SPMIP4: variants seen among roughly 807,000 people sequenced by gnomAD.
SPMIP4 encodes the protein sperm-associated microtubule inner protein 4.
the SPMIP4 span, among the ~76,000 whole-genome samples, chr7:25,129,616 G>C: frequency 6.6e-6 from 1 of 152,012 alleles, no homozygotes; most frequent in Non-Finnish European, 1.5e-5. Context: ...CATGATTTTT[G>C]GTTCTTATGA....
chr7:25,179,446 C>G, the SPMIP4 span: 1 of 830,296 alleles, frequency 1.2e-6, no homozygotes, highest in Non-Finnish European at 1.8e-6. Flanking sequence ...AGGCTTCCCT[C>G]TGCACTGAAA....
chr7:25,136,274 G>C, the SPMIP4 span: 1 of 1,614,042 alleles, frequency 6.2e-7, no homozygotes, highest in Non-Finnish European at 8.5e-7. This position sits in a 1 kb window ranked among gnomAD's most constrained non-coding sequence, Gnocchi z 5.7. Context: ...TGTTTATTTT[G>C]TAAAACACTA....
chr7:25,175,861 G>A, the SPMIP4 span, among the ~76,000 whole-genome samples: 9 of 152,262 alleles, frequency 5.9e-5, no homozygotes, highest in South Asian at 6.2e-4. Flanking sequence ...GTCCAGAGCC[G>A]TTCCATCACT....
chr7:25,132,077 A>C, the SPMIP4 span, among the ~76,000 whole-genome samples: 2 of 152,202 alleles, frequency 1.3e-5, no homozygotes, highest in Non-Finnish European at 2.9e-5. This position sits in a 1 kb window ranked among gnomAD's most constrained non-coding sequence, Gnocchi z 5.0. Context: ...GATCTCCCAT[A>C]CACAGGGAGG....
chr7:25,130,750 G>A, the SPMIP4 span, among the ~76,000 whole-genome samples: 1 of 152,224 alleles, frequency 6.6e-6, no homozygotes, highest in Non-Finnish European at 1.5e-5. Context: ...GAAGGAAGGA[G>A]CTATTATTGT....
the SPMIP4 span, among the ~76,000 whole-genome samples, chr7:25,174,764 G>A: frequency 6.6e-6 from 1 of 152,126 alleles, no homozygotes; most frequent in South Asian, 2.1e-4. This position sits in a 1 kb window ranked among gnomAD's most constrained non-coding sequence, Gnocchi z 4.5. Flanking sequence ...AGAAGTTAAG[G>A]AGAAGTCAGC....
At chr7:25,136,341 T>C in the SPMIP4 span, 10 of 1,614,086 alleles carry the variant, frequency 6.2e-6, no homozygotes, top group East Asian at 2.2e-5. This position sits in a 1 kb window ranked among gnomAD's most constrained non-coding sequence, Gnocchi z 5.7. Context: ...GTAGGGGAGA[T>C]TTAAGATTTT....
At chr7:25,167,145 CA>C in the SPMIP4 span, among the ~76,000 whole-genome samples, 4 of 152,200 alleles carry the variant, frequency 2.6e-5, no homozygotes, top group Non-Finnish European at 5.9e-5. Flanking sequence ...AAATTCCATA[CA>C]GAGCTATCTC....
At chr7:25,140,965 T>TTA in the SPMIP4 span, among the ~76,000 whole-genome samples, 79 of 152,350 alleles carry the variant, frequency 5.2e-4, no homozygotes, top group African/African-American at 1.9e-3. Context: ...TTATATACCT[T>TTA]TAAAATGTTA....
the SPMIP4 span, among the ~76,000 whole-genome samples, chr7:25,163,775 A>G: frequency 6.6e-6 from 1 of 152,192 alleles, no homozygotes; most frequent in Admixed American, 6.5e-5. The surrounding 1 kb of genome is among the most constrained non-coding windows in gnomAD (Gnocchi z 4.4). Flanking sequence ...CATCAAAGAG[A>G]TAACTTATCC....
chr7:25,142,225 G>A, the SPMIP4 span: 60 of 1,585,724 alleles, frequency 3.8e-5, no homozygotes, highest in African/African-American at 7.3e-4. Flanking sequence ...ACTGAGAGTT[G>A]ACTGCAATTA....
the SPMIP4 span, among the ~76,000 whole-genome samples, chr7:25,134,321 T>A: frequency 3.5e-4 from 32 of 90,224 alleles, no homozygotes; most frequent in East Asian, 5.9e-4. Flanking sequence ...GTTAGTAAAC[T>A]AACACATTTT....
At chr7:25,134,331 T>C in the SPMIP4 span, among the ~76,000 whole-genome samples, 1 of 54,346 alleles carries the variant, frequency 1.8e-5, no homozygotes, top group Non-Finnish European at 4.1e-5. Context: ...TAACACATTT[T>C]GTAAAAAAAA....
the SPMIP4 span, among the ~76,000 whole-genome samples, chr7:25,171,381 T>G: frequency 6.6e-6 from 1 of 152,218 alleles, no homozygotes; most frequent in African/African-American, 2.4e-5. Flanking sequence ...AGAGATGGAT[T>G]TGTTTCCTAT....
chr7:25,176,953 T>C, the SPMIP4 span, among the ~76,000 whole-genome samples: 1 of 152,228 alleles, frequency 6.6e-6, no homozygotes. This position sits in a 1 kb window ranked among gnomAD's most constrained non-coding sequence, Gnocchi z 4.4. Context: ...GTGTTTAGTC[T>C]GGCAAACAGA....
the SPMIP4 span, among the ~76,000 whole-genome samples, chr7:25,177,692 G>A: frequency 6.6e-6 from 1 of 152,162 alleles, no homozygotes; most frequent in Admixed American, 6.5e-5. Context: ...GATAACAGTA[G>A]TACTTATAGG....
the SPMIP4 span, chr7:25,135,420 G>A: frequency 4.1e-6 from 4 of 985,334 alleles, no homozygotes; most frequent in Admixed American, 6.2e-5. Context: ...TTTACATAAA[G>A]GAACAGAGTC....
At chr7:25,155,091 C>T in the SPMIP4 span, 3 of 1,613,966 alleles carry the variant, frequency 1.9e-6, no homozygotes, top group Non-Finnish European at 2.5e-6. Context: ...GGCTTTAATG[C>T]CCGTGTAGAG....
chr7:25,142,246 C>T, the SPMIP4 span: 1 of 1,611,054 alleles, frequency 6.2e-7, no homozygotes, highest in East Asian at 2.2e-5. Context: ...CTTACCGGCT[C>T]TGGGTCAAAT....
Sources: gnomAD v4.1 joint callset for allele counts (sites outside exome capture counted in the v4.1 genomes callset) on GRCh38, gnomAD v4.1.1 for gene constraint, Gnocchi (gnomAD v3.1) non-coding constraint, MANE v1.5 for transcripts, NCBI Gene and HGNC (gene_info 2026-07-23, HGNC 2026-07-21) for gene names.